The following PEBP4 variants were observed in gnomAD, a reference collection of about 807,000 sequenced individuals.
The protein encoded by PEBP4 is phosphatidylethanolamine-binding protein 4.
A neutral mutation model predicts 23.9 loss-of-function variants in PEBP4; 22 were observed. The ratio of observed to expected loss-of-function variants is 0.92; its 90% CI spans 0.66 to 1.31. The LOEUF is 1.31. Ranked by LOEUF, PEBP4 falls within the 40% of genes most tolerant of loss-of-function variation. PEBP4 has a pLI of 0.00. For synonymous variants in PEBP4, 112 were observed against 99.3 expected, an observed-to-expected ratio of 1.13 and a Z score of -0.76; for missense variants, 324 against 281.7, an observed-to-expected ratio of 1.15 and a Z score of -1.07.
chr8:22,736,971 C>G (rs757835058), intron 4 of PEBP4, among the ~76,000 whole-genome samples: 2 of 152,036 alleles, frequency 1.3e-5, no homozygotes, highest in Non-Finnish European at 2.9e-5. Context: ...AGTTTTGCAC[C>G]CAACTACAGC....
intron 6 of PEBP4, among the ~76,000 whole-genome samples, chr8:22,718,736 G>A (rs1226701235): frequency 6.6e-6 from 1 of 152,162 alleles, no homozygotes; most frequent in Non-Finnish European, 1.5e-5. Context: ...GGGAGGTCAC[G>A]AGGGTGGGCT....
At chr8:22,825,558 G>A (rs1231877855) in intron 3 of PEBP4, among the ~76,000 whole-genome samples, 4 of 152,192 alleles carry the variant, frequency 2.6e-5, no homozygotes, top group Non-Finnish European at 5.9e-5. Flanking sequence ...ATGGACTGGT[G>A]GTTCTTAGCT....
At chr8:22,864,445 G>C (rs1402466084) in intron 3 of PEBP4, among the ~76,000 whole-genome samples, 1 of 73,976 alleles carries the variant, frequency 1.4e-5, no homozygotes, top group East Asian at 8.3e-4. Context: ...TGACTTAAGA[G>C]GAAGTGAGAA....
At chr8:22,797,146 T>C (rs746822541) in intron 4 of PEBP4, among the ~76,000 whole-genome samples, 16 of 147,618 alleles carry the variant, frequency 1.1e-4, no homozygotes, top group African/African-American at 1.5e-4. Context: ...CCCAGCTACT[T>C]GGAAGGCTGA....
chr8:22,834,132 A>G (rs759378021), intron 3 of PEBP4, among the ~76,000 whole-genome samples: 3 of 152,212 alleles, frequency 2.0e-5, no homozygotes, highest in Non-Finnish European at 4.4e-5. Context: ...AGCTGAAGTC[A>G]CAAACACAAG....
At chr8:22,830,113 T>TTG (rs3060706) in intron 3 of PEBP4, among the ~76,000 whole-genome samples, 13,163 of 143,760 alleles carry the variant, frequency 0.092, 643 homozygotes, top group African/African-American at 0.12. Flanking sequence ...GGCTGTGGTT[T>TTG]TGTGTGTGTG....
At chr8:22,815,558 T>A (rs1585288320) in intron 4 of PEBP4, among the ~76,000 whole-genome samples, 1 of 152,140 alleles carries the variant, frequency 6.6e-6, no homozygotes, top group Non-Finnish European at 1.5e-5. Context: ...TTGGGGAAGG[T>A]GGGCAGGGCC....
At chr8:22,870,315 A>G (rs1195167808) in intron 3 of PEBP4, among the ~76,000 whole-genome samples, 1 of 152,208 alleles carries the variant, frequency 6.6e-6, no homozygotes, top group Non-Finnish European at 1.5e-5. Flanking sequence ...GCATATTACT[A>G]AGTGAAAGAA....
intron 4 of PEBP4, among the ~76,000 whole-genome samples, chr8:22,790,651 A>C (rs1165963391): frequency 6.6e-6 from 1 of 152,138 alleles, no homozygotes; most frequent in East Asian, 1.9e-4. Flanking sequence ...TCTTGTGGCT[A>C]CCTTTGAAGG....
chr8:22,774,433 G>A (rs1395351263), intron 4 of PEBP4, among the ~76,000 whole-genome samples: 1 of 152,202 alleles, frequency 6.6e-6, no homozygotes, highest in Non-Finnish European at 1.5e-5. Flanking sequence ...ATGATATTTT[G>A]TGGGGGAGAG....
chr8:22,737,158 G>A (rs563255143), intron 4 of PEBP4, among the ~76,000 whole-genome samples: 158 of 152,188 alleles, frequency 1.0e-3, no homozygotes, highest in African/African-American at 3.7e-3. Context: ...GCAAGGCGTG[G>A]TGGCAGGCGC....
intron 4 of PEBP4, among the ~76,000 whole-genome samples, chr8:22,805,038 A>G (rs1012651703): frequency 9.9e-5 from 15 of 151,446 alleles, no homozygotes; most frequent in Admixed American, 9.9e-4. Context: ...TCAGGACTCA[A>G]CTCCATCCTA....
chr8:22,846,668 T>G (rs1445573571), intron 3 of PEBP4, among the ~76,000 whole-genome samples: 1 of 151,996 alleles, frequency 6.6e-6, no homozygotes, highest in Admixed American at 6.6e-5. Flanking sequence ...TCAACTCCAC[T>G]CCCTCATGAG....
At chr8:22,929,480 G>A (rs1350403233), upstream of PEBP4, among the ~76,000 whole-genome samples, 2 of 152,208 alleles carry the variant, frequency 1.3e-5, no homozygotes, top group East Asian at 1.9e-4. Flanking sequence ...TGCTGCTGTT[G>A]AGCCCACTTC....
intron 4 of PEBP4, among the ~76,000 whole-genome samples, chr8:22,760,855 A>G (rs1805493114): frequency 6.6e-6 from 1 of 152,194 alleles, no homozygotes; most frequent in South Asian, 2.1e-4. Flanking sequence ...GGTTCCCCTG[A>G]AGGCGAGGTC....
chr8:22,921,902 A>G (rs1465657030), intron 2 of PEBP4, among the ~76,000 whole-genome samples: 1 of 152,240 alleles, frequency 6.6e-6, no homozygotes, highest in Non-Finnish European at 1.5e-5. Context: ...GGGCAGAGAG[A>G]CAGACAGCAA....
At chr8:22,900,784 C>CT (rs1329007860) in intron 3 of PEBP4, among the ~76,000 whole-genome samples, 1 of 152,174 alleles carries the variant, frequency 6.6e-6, no homozygotes, top group African/African-American at 2.4e-5. Context: ...CTGGCCCCAC[C>CT]TGTGAAAAAT....
intron 3 of PEBP4, chr8:22,895,653 T>C (rs1274981199): frequency 1.3e-5 from 2 of 152,364 alleles, no homozygotes; most frequent in Admixed American, 1.3e-4. Context: ...AGATCCCAAC[T>C]ATACATATGT....
intron 3 of PEBP4, among the ~76,000 whole-genome samples, chr8:22,875,775 C>T (rs1466305260): frequency 2.6e-5 from 4 of 152,038 alleles, no homozygotes; most frequent in Admixed American, 2.6e-4. Context: ...GTCCAGAAAC[C>T]CGGCGAAGTC....
Sources: allele counts gnomAD v4.1 joint callset (sites outside exome capture counted in the v4.1 genomes callset), GRCh38; gene constraint gnomAD v4.1.1; transcripts MANE v1.5; gene names NCBI Gene and HGNC (gene_info 2026-07-23, HGNC 2026-07-21).